Variants in PTPRT observed in about 807,000 individuals in gnomAD.
PTPRT encodes receptor-type tyrosine-protein phosphatase T.
Under a neutral mutation model 176.8 loss-of-function variants are expected in PTPRT, and 56 were observed. The ratio of observed to expected loss-of-function variants is 0.32; its 90% CI spans 0.26 to 0.40. PTPRT has a LOEUF of 0.40. Ranked by LOEUF, PTPRT falls within the 10% of genes least tolerant of loss-of-function variation. PTPRT has a pLI of 1.00. For missense variants in PTPRT, 1,540 were observed against 1,908.2 expected, an observed-to-expected ratio of 0.81 and a Z score of 3.60; for synonymous variants, 783 against 739.0, an observed-to-expected ratio of 1.06 and a Z score of -0.96.
intron 8 of PTPRT, among the ~76,000 whole-genome samples, chr20:42,463,764 T>C (rs1204398331): frequency 6.6e-6 from 1 of 152,192 alleles, no homozygotes; most frequent in East Asian, 1.9e-4. Context: ...CTTGTCTATG[T>C]CATTTTTTTG....
At chr20:42,032,257 G>T in the PTPRT span, among the ~76,000 whole-genome samples, 1 of 152,090 alleles carries the variant, frequency 6.6e-6, no homozygotes, top group South Asian at 2.1e-4. Flanking sequence ...TAGAAGGAGA[G>T]CACTCTGGCC....
chr20:43,099,820 T>C (rs1175240639), intron 1 of PTPRT, among the ~76,000 whole-genome samples: 1 of 152,212 alleles, frequency 6.6e-6, no homozygotes, highest in Non-Finnish European at 1.5e-5. Flanking sequence ...TCTGTATCCC[T>C]GTAACCCTTG....
At chr20:42,236,181 G>T in intron 15 of PTPRT, 48 bp downstream of exon 15, 5 of 1,505,342 alleles carry the variant, frequency 3.3e-6, no homozygotes, top group Non-Finnish European at 4.6e-6. Context: ...CATGCTACAG[G>T]TTCCCTTACA....
chr20:42,153,424 G>A (rs1989218329), intron 17 of PTPRT, among the ~76,000 whole-genome samples: 1 of 152,160 alleles, frequency 6.6e-6, no homozygotes, highest in African/African-American at 2.4e-5. Flanking sequence ...GGAGCAGATT[G>A]AGGACCAGGT....
intron 1 of PTPRT, among the ~76,000 whole-genome samples, chr20:43,014,120 C>T (rs1249174643): frequency 6.6e-6 from 1 of 152,126 alleles, no homozygotes; most frequent in African/African-American, 2.4e-5. Context: ...CATATTGAAT[C>T]ATGGGAAAAA....
intron 1 of PTPRT, among the ~76,000 whole-genome samples, chr20:43,163,177 C>T (rs1246304498): frequency 6.6e-6 from 1 of 152,236 alleles, no homozygotes; most frequent in Admixed American, 6.5e-5. Flanking sequence ...ATTTTTGAGT[C>T]TCCAAAATAA....
intron 1 of PTPRT, among the ~76,000 whole-genome samples, chr20:42,980,931 T>A (rs774479799): frequency 6.6e-6 from 1 of 152,180 alleles, no homozygotes; most frequent in Non-Finnish European, 1.5e-5. Flanking sequence ...AGCGTCCCTA[T>A]CTCCCAGTCT....
chr20:42,818,363 C>CAA (rs35133574), intron 2 of PTPRT, among the ~76,000 whole-genome samples: 5 of 146,282 alleles, frequency 3.4e-5, no homozygotes, highest in Admixed American at 6.8e-5. Flanking sequence ...CAAAAAGACC[C>CAA]AAAAAAAAAA....
chr20:42,355,785 T>G (rs2058350614), intron 9 of PTPRT, among the ~76,000 whole-genome samples: 1 of 152,150 alleles, frequency 6.6e-6, no homozygotes, highest in South Asian at 2.1e-4. Flanking sequence ...TGGTGGCAAC[T>G]ACATTGATAT....
chr20:42,494,989 A>T (rs952537442), intron 7 of PTPRT, among the ~76,000 whole-genome samples: 3 of 152,164 alleles, frequency 2.0e-5, no homozygotes, highest in Non-Finnish European at 4.4e-5. Flanking sequence ...ATCTCCCAAG[A>T]ATATTCAAAC....
chr20:42,302,251 T>C (rs1278962107), intron 12 of PTPRT, among the ~76,000 whole-genome samples: 1 of 152,178 alleles, frequency 6.6e-6, no homozygotes, highest in Non-Finnish European at 1.5e-5. Context: ...GACAATTTTT[T>C]TTTCTTTTCC....
At chr20:43,182,552 G>A (rs1025648612) in intron 1 of PTPRT, among the ~76,000 whole-genome samples, 4 of 151,964 alleles carry the variant, frequency 2.6e-5, no homozygotes, top group South Asian at 4.1e-4. Flanking sequence ...TACCACACCC[G>A]GCTAATTTTT....
chr20:42,481,383 T>C (rs915611030), intron 7 of PTPRT, among the ~76,000 whole-genome samples: 3 of 152,164 alleles, frequency 2.0e-5, no homozygotes, highest in African/African-American at 4.8e-5. Flanking sequence ...TTATTCTTTA[T>C]AATGTCCTTC....
At chr20:43,061,725 T>C (rs1045855113) in intron 1 of PTPRT, among the ~76,000 whole-genome samples, 7 of 152,256 alleles carry the variant, frequency 4.6e-5, no homozygotes, top group African/African-American at 1.7e-4. Context: ...CCTTCCCATT[T>C]TACAGATCTG....
intron 7 of PTPRT, among the ~76,000 whole-genome samples, chr20:42,473,385 A>T (rs1472038143): frequency 6.6e-6 from 1 of 152,194 alleles, no homozygotes; most frequent in African/African-American, 2.4e-5. Flanking sequence ...TTTTTAATAT[A>T]AAACAGGTTA....
chr20:42,772,105 C>T (rs1256221285), intron 4 of PTPRT, among the ~76,000 whole-genome samples: 2 of 152,176 alleles, frequency 1.3e-5, no homozygotes, highest in African/African-American at 4.8e-5. Flanking sequence ...TACCTGCACA[C>T]TTGGCCTGGG....
At chr20:43,132,964 G>A (rs149494245) in intron 1 of PTPRT, among the ~76,000 whole-genome samples, 5 of 152,228 alleles carry the variant, frequency 3.3e-5, no homozygotes, top group Non-Finnish European at 5.9e-5. Context: ...TGGATAATGC[G>A]GTTCTTAACG....
rs138128931 is a variant in PTPRT, at chr20:43,141,667, T to C, written c.88+47979A>G. ...GTTGCATTGCAAGGGTATGGACAGA[T>C]GGTAAGGGGAAGAATTAATGGCCAT... On this transcript the variant is annotated intron_variant, in intron 1 of 30. Transcript: ENST00000373187. Among the ~76,000 whole-genome samples the C allele has an allele frequency of 3.8e-3, 584 of 152,322 alleles. 7 individuals carry two copies. The highest frequency in any genetic ancestry group is 0.013 in the African/African-American group (546 of 41,568).
intron 1 of PTPRT, among the ~76,000 whole-genome samples, chr20:43,090,959 A>G (rs1169795048): frequency 1.3e-5 from 2 of 152,216 alleles, no homozygotes; most frequent in Non-Finnish European, 2.9e-5. Flanking sequence ...GGCTGGGCAC[A>G]GTGGCTCACG....
Sources: gnomAD v4.1 joint callset for allele counts (sites outside exome capture counted in the v4.1 genomes callset) on GRCh38, gnomAD v4.1.1 for gene constraint, MANE v1.5 for transcripts, NCBI Gene and HGNC (gene_info 2026-07-23, HGNC 2026-07-21) for gene names.